The following MEF2C variants were observed in gnomAD, a reference collection of about 807,000 sequenced individuals.
MEF2C encodes the protein myocyte enhancer factor 2C.
A neutral mutation model predicts 50.5 loss-of-function variants in MEF2C; 6 were observed. The ratio of observed to expected loss-of-function variants is 0.12; its 90% confidence interval spans 0.07 to 0.23. The LOEUF (loss-of-function observed/expected upper bound fraction) is 0.23, where lower values mean the gene tolerates loss of function less well. Ranked by LOEUF, MEF2C falls within the 10% of genes least tolerant of loss-of-function variation. MEF2C has a pLI of 1.00. For synonymous variants in MEF2C, 183 were observed against 228.0 expected (o/e 0.80, Z 1.78); for missense variants, 276 against 605.0 (o/e 0.46, Z 5.70).
chr5:88,799,475 C>G (rs1372312545), intron 3 of MEF2C, among the ~76,000 whole-genome samples: 1 of 152,184 alleles, frequency 6.6e-6, no homozygotes, highest in South Asian at 2.1e-4. Flanking sequence ...CATTTACATC[C>G]ATTTCCAAAT....
intron 1 of MEF2C, among the ~76,000 whole-genome samples, chr5:88,860,650 T>C (rs558070703): frequency 2.6e-5 from 4 of 152,312 alleles, no homozygotes; most frequent in Non-Finnish European, 4.4e-5. Flanking sequence ...CTGGAAGTGT[T>C]GGCCCCACCA....
intron 1 of MEF2C, among the ~76,000 whole-genome samples, chr5:88,835,671 G>C (rs2153271562): frequency 6.6e-6 from 1 of 152,050 alleles, no homozygotes; most frequent in African/African-American, 2.4e-5. Context: ...AAGTTAGCCA[G>C]GTGTGGTGGT....
intron 1 of MEF2C, among the ~76,000 whole-genome samples, chr5:88,869,288 TATATATACACATATATATATATATATAC>T (rs1561420749): frequency 8.4e-5 from 6 of 71,312 alleles, no homozygotes; most frequent in East Asian, 3.5e-4. Context: ...CATATATATA[TATATATACACATATATATATATATATAC>T]ACATATAGCT....
intron 6 of MEF2C, chr5:88,734,698 A>C: frequency 1.0e-6 from 1 of 984,060 alleles, no homozygotes; most frequent in Non-Finnish European, 1.2e-6. Context: ...GGGGAAAAAA[A>C]AGTAAATATA....
chr5:88,735,949 T>C, intron 6 of MEF2C: 1 of 985,330 alleles, frequency 1.0e-6, no homozygotes, highest in Non-Finnish European at 1.2e-6. Context: ...TTCTAGGACT[T>C]TGAATTATGA....
intron 3 of MEF2C, among the ~76,000 whole-genome samples, chr5:88,775,374 G>A (rs1021920061): frequency 1.3e-5 from 2 of 152,100 alleles, no homozygotes; most frequent in African/African-American, 2.4e-5. Context: ...GAGAGGACAC[G>A]AGTCATGAAT....
At chr5:88,783,220 T>A (rs1239406043) in intron 3 of MEF2C, among the ~76,000 whole-genome samples, 1 of 152,224 alleles carries the variant, frequency 6.6e-6, no homozygotes, top group East Asian at 1.9e-4. Flanking sequence ...TTGTAAACCT[T>A]ACCAAGTGTC....
In MEF2C at chr5:88,751,932, G is replaced by A. The variant is rs1772969049; in HGVS notation, c.514C>T (p.Leu172=). Residue 172 remains leucine (L), a synonymous_variant, in exon 5 of 11, where the codon CTG becomes TTG. Transcript: ENST00000504921. ...TTCCTCTGCAGAGAAGGGTGAGCCA[G>A]TGGCAATAGGTTGGGGTTTCCCAGT... ...SSLGNPNLLP[L]AHPSLQRNSM... 2 of 1,614,044 alleles carry A rather than the reference G, an allele frequency of 1.2e-6. No homozygotes were observed. Among genetic ancestry groups the A allele is most frequent in the African/African-American group, 2.7e-5 (2 of 75,066 alleles).
chr5:88,872,311 A>G (rs2149891166), intron 1 of MEF2C, among the ~76,000 whole-genome samples: 1 of 152,132 alleles, frequency 6.6e-6, no homozygotes, highest in East Asian at 1.9e-4. Flanking sequence ...CTTTGAGTAA[A>G]TGACTTTTAA....
intron 1 of MEF2C, among the ~76,000 whole-genome samples, chr5:88,853,911 A>T (rs1033914894): frequency 6.6e-6 from 1 of 152,218 alleles, no homozygotes; most frequent in Admixed American, 6.5e-5. Flanking sequence ...GTCTTTCAAC[A>T]TTGTTTTATC....
At chr5:88,739,350 T>A (rs1765476253) in intron 6 of MEF2C, 5 of 983,576 alleles carry the variant, frequency 5.1e-6, no homozygotes, top group South Asian at 4.7e-5. Context: ...AAAAAAAAAA[T>A]AAAGCAATTT....
chr5:88,864,767 AT>A (rs397881979), intron 1 of MEF2C, among the ~76,000 whole-genome samples: 26,889 of 138,892 alleles, frequency 0.19, 2,528 homozygotes, highest in Admixed American at 0.28. Flanking sequence ...GTTTTTTCAA[AT>A]TTTTTTTTTT....
In MEF2C at chr5:88,868,205, A is replaced by C. The variant is rs150435250; in HGVS notation, c.-143+14750T>G. 3.3e-4 allele frequency among the ~76,000 whole-genome samples: 50 copies of C among 152,308 alleles called. No homozygotes were observed. The East Asian group carries it at 9.6e-3, about 29-fold the overall frequency. Reference sequence around the variant, plus strand: ...CGGAACTACTCTTCCTTTAACTTTAAAAAATAAAGCTGGGGGAAAAATATC... The same window carrying C: ...CGGAACTACTCTTCCTTTAACTTTACAAAATAAAGCTGGGGGAAAAATATC... On this transcript the variant is annotated intron_variant, in intron 1 of 10. Transcript: ENST00000504921.
At chr5:88,729,081 G>T in intron 9 of MEF2C, 137 bp downstream of exon 9, 2 of 876,230 alleles carry the variant, frequency 2.3e-6, no homozygotes, top group Non-Finnish European at 3.3e-6. Flanking sequence ...TCTTAGTGAA[G>T]AATGGGTAAT....
At chr5:88,743,452 A>G (rs1767825322) in intron 6 of MEF2C, 1 of 985,396 alleles carries the variant, frequency 1.0e-6, no homozygotes, top group Non-Finnish European at 1.2e-6. Context: ...AAAATTAAGC[A>G]TTGTCTGACC....
intron 10 of MEF2C, among the ~76,000 whole-genome samples, 192 bp from the exon 11 acceptor site, chr5:88,723,117 CG>C (rs752343862): frequency 3.3e-5 from 5 of 152,122 alleles, no homozygotes; most frequent in Non-Finnish European, 7.4e-5. Flanking sequence ...TTGATTTGCC[CG>C]GTAGTAATTA....
intron 1 of MEF2C, among the ~76,000 whole-genome samples, chr5:88,889,976 C>T (rs1834357123): frequency 1.3e-5 from 2 of 152,186 alleles, no homozygotes; most frequent in African/African-American, 4.8e-5. Flanking sequence ...ATTTTGCAAA[C>T]CTGGGAGAGC....
chr5:88,766,607 A>T (rs1780159844), intron 3 of MEF2C: 2 of 982,158 alleles, frequency 2.0e-6, no homozygotes, highest in Non-Finnish European at 2.4e-6. Flanking sequence ...CTCAGTCCTC[A>T]AGAATGTATA....
At chr5:88,861,878 T>A (rs1452762084) in intron 1 of MEF2C, among the ~76,000 whole-genome samples, 2 of 152,220 alleles carry the variant, frequency 1.3e-5, no homozygotes, top group Non-Finnish European at 2.9e-5. Flanking sequence ...TGTTAATGTA[T>A]TATCTATTTG....
Sources: gnomAD v4.1 joint callset for allele counts (sites outside exome capture counted in the v4.1 genomes callset) on GRCh38, gnomAD v4.1.1 for gene constraint, MANE v1.5 for transcripts, NCBI Gene and HGNC (gene_info 2026-07-23, HGNC 2026-07-21) for gene names.